The following TLE5 variants were observed in gnomAD, a reference collection of about 807,000 sequenced individuals.
TLE5 encodes the protein TLE family member 5.
TLE5 carries 7 observed loss-of-function variants against 25.8 expected under a neutral mutation model. That is an observed-to-expected ratio of 0.27 (90% CI 0.15 to 0.51). TLE5 has a LOEUF of 0.51. Ranked by LOEUF, TLE5 falls within the 20% of genes least tolerant of loss-of-function variation. The pLI is 0.97. For synonymous variants in TLE5, 132 were observed against 110.5 expected, an observed-to-expected ratio of 1.20 and a Z score of -1.22; for missense variants, 149 against 250.7, an observed-to-expected ratio of 0.59 and a Z score of 2.74.
At chr19:3,056,189 G>A in intron 4 of TLE5, 123 bp downstream of exon 4, 2 of 625,618 alleles carry the variant, frequency 3.2e-6, no homozygotes, top group East Asian at 3.2e-5. Context: ...GGATAACCGG[G>A]CTGGCTTGGT....
At chr19:3,055,519 T>C in intron 5 of TLE5, 145 bp downstream of exon 5, 1 of 611,134 alleles carries the variant, frequency 1.6e-6, no homozygotes, top group East Asian at 3.2e-5. Context: ...ACAGGCCGGC[T>C]CTGGTGTTCA....
chr19:3,058,528 T>G (rs1483173377), intron 2 of TLE5, among the ~76,000 whole-genome samples: 1 of 152,218 alleles, frequency 6.6e-6, no homozygotes, highest in Non-Finnish European at 1.5e-5. Context: ...GGGCCTGGAC[T>G]TCCCAGGCAG....
intron 3 of TLE5, 62 bp downstream of exon 3, chr19:3,057,617 G>T: frequency 6.6e-7 from 1 of 1,507,736 alleles, no homozygotes; most frequent in Non-Finnish European, 9.2e-7. Flanking sequence ...CCGTGGTGGA[G>T]GGGATGTGGA....
At chr19:3,056,429 T>C (rs1011620394) in intron 3 of TLE5, 73 bp from the exon 4 acceptor site, 1 of 333,290 alleles carries the variant, frequency 3.0e-6, no homozygotes, top group Non-Finnish European at 5.6e-6. Context: ...GACAAAGAGA[T>C]AGGGGAGTGG....
At chr19:3,056,244 CG>C in intron 4 of TLE5, 67 bp downstream of exon 4, 1 of 831,458 alleles carries the variant, frequency 1.2e-6, no homozygotes, top group Non-Finnish European at 1.5e-6. Context: ...GTGCCCAAGG[CG>C]GGGCTGGAGG....
intron 6 of TLE5, 34 bp downstream of exon 6, chr19:3,054,086 T>TCGGGGGCCCCC: frequency 4.0e-6 from 6 of 1,512,808 alleles, no homozygotes; most frequent in Non-Finnish European, 4.5e-6. Flanking sequence ...GGCCCACCTG[T>TCGGGGGCCCCC]CCCCCGCCCA....
At chr19:3,061,424 C>G (rs1005924418) in intron 1 of TLE5, 167 bp from the exon 2 acceptor site, 3 of 449,652 alleles carry the variant, frequency 6.7e-6, no homozygotes, top group Admixed American at 7.9e-5. Context: ...TCCTGCCCCC[C>G]GCCTCTCCCG....
At chr19:3,061,319 G>C (rs1286855820) in intron 1 of TLE5, 62 bp from the exon 2 acceptor site, 4 of 1,342,008 alleles carry the variant, frequency 3.0e-6, no homozygotes, top group East Asian at 4.7e-5. Context: ...TCAAGGGCCG[G>C]CTAGGAGGGA....
chr19:3,054,090 C>CATG, intron 6 of TLE5, 30 bp downstream of exon 6: 3 of 769,062 alleles, frequency 3.9e-6, no homozygotes, highest in Non-Finnish European at 6.1e-6. Flanking sequence ...CACCTGTCCC[C>CATG]CGCCCACCCG....
At position 3,053,828 on chromosome 19, in the gene TLE5, C is replaced by T. The variant is rs1180912485; in HGVS notation, c.585G>A (p.Lys195=). 10 of 1,613,240 alleles carry T rather than the reference C, an allele frequency of 6.2e-6. No individual in the cohort carries two copies. The highest frequency in any genetic ancestry group is 2.2e-5 in the East Asian group (1 of 44,882). The change falls in exon 7 of 7, where the codon AAG becomes AAA. Residue 195 remains lysine, a synonymous_variant. Transcript: ENST00000327141. ...CTGTCCCGGCCCCCTGCTAATCCGA[C>T]TTCTCGCCATCATCCTCCTGGTGGG... The part of the protein sequence containing the change: ...GDTHQEDDGE[K]SD
chr19:3,060,853 G>T lies in TLE5; in HGVS notation c.125+307C>A, dbSNP rs117195808. ...GGTTGAGGGATGGCGAGTCCGTGCCGTAACTCCAATTGTTGGAAGGTCTTT... is the reference window on the plus strand; with the variant it reads ...GGTTGAGGGATGGCGAGTCCGTGCCTTAACTCCAATTGTTGGAAGGTCTTT... On this transcript the variant is annotated intron_variant, in intron 2 of 6. Coordinates refer to ENST00000327141, the MANE Select transcript of TLE5 (RefSeq NM_001130.6). 3.8e-3 allele frequency: 741 copies of T among 193,808 alleles called. 10 individuals are homozygous for T. The highest frequency in any genetic ancestry group is 0.029 in the South Asian group (285 of 9,752). 12.0% of individuals were successfully genotyped at this position (193,808 alleles called of 1,614,324 possible).
Position 3,053,707 on chromosome 19 carries a change from G to C in TLE5, c.*112C>G, listed in dbSNP as rs2090192824. ...CGCCGGCGGCCACCATAAATACTAT[G>C]GGAGTTTAGCCAATCCCGAGCTCCG... On this transcript the variant is annotated 3_prime_UTR_variant, in exon 7 of 7. Transcript: ENST00000327141. The C allele has an allele frequency of 8.0e-7, 1 of 1,253,008 alleles. No individual in the cohort carries two copies. Among genetic ancestry groups the C allele is most frequent in the African/African-American group, 1.5e-5 (1 of 66,926 alleles). 77.6% of individuals were successfully genotyped at this position (1,253,008 alleles called of 1,614,324 possible). A position where few individuals can be genotyped will look rare whatever the true frequency, so the allele number is the denominator to read the frequency against.
chr19:3,053,840 A>C lies in TLE5; in HGVS notation c.573T>G (p.Asp191Glu), dbSNP rs753437037. The C allele has an allele frequency of 1.2e-6, 2 of 1,612,652 alleles. No individual in the cohort carries two copies. Among genetic ancestry groups the C allele is most frequent in the African/African-American group, 1.3e-5 (1 of 74,720 alleles). Residue 191 changes from aspartate (D) to glutamate (E), a missense_variant, in exon 7 of 7, where the codon GAT becomes GAG. Coordinates refer to ENST00000327141, the MANE Select transcript of TLE5 (RefSeq NM_001130.6). ...CCTGCTAATCCGACTTCTCGCCATC[A>C]TCCTCCTGGTGGGTGTCACCATCGT... is the stretch of plus-strand genomic sequence containing the variant. ...NGHDGDTHQE[D>E]DGEKSD
intron 4 of TLE5, 66 bp from the exon 5 acceptor site, chr19:3,055,792 G>T: frequency 6.6e-7 from 1 of 1,504,880 alleles, no homozygotes; most frequent in Non-Finnish European, 9.0e-7. Context: ...AGCCACAGGA[G>T]GCCTGCGCGG....
rs548458062 is a variant in TLE5, at chr19:3,058,831, C to T, written c.126-1089G>A. Reference sequence around the variant, plus strand: ...AATCCAACCCAGCACAGGGGCCCTGCGGACCTGGCTGTGGCTTACCTGCTT... The same window carrying T: ...AATCCAACCCAGCACAGGGGCCCTGTGGACCTGGCTGTGGCTTACCTGCTT... On this transcript the variant is annotated intron_variant, in intron 2 of 6. Transcript: ENST00000327141. 3.4e-4 allele frequency among the ~76,000 whole-genome samples: 52 copies of T among 152,260 alleles called. 1 individual carries two copies. In the East Asian group the frequency reaches 5.6e-3, roughly 16 times the overall value.
Position 3,055,664 on chromosome 19 carries a change from C to T in TLE5, c.297G>A (p.Glu99=), listed in dbSNP as rs1054698143. The T allele has an allele frequency of 2.0e-5, 32 of 1,600,074 alleles. No individual in the cohort carries two copies. The highest frequency in any genetic ancestry group is 2.6e-5 in the Non-Finnish European group (31 of 1,173,738). ...CCCTCCCCAAGGCCCTGGCTCTTACCTCTTGGGAGAGGTAGGGCAGGACCT... is the reference window on the plus strand; with the variant it reads ...CCCTCCCCAAGGCCCTGGCTCTTACTTCTTGGGAGAGGTAGGGCAGGACCT... ...CAQVLPYLSQ[E]HQQQVLGAIE... The change falls in exon 5 of 7, where the codon GAG becomes GAA. Residue 99 remains glutamate (E), a splice_region_variant and synonymous_variant. Transcript: ENST00000327141.
intron 2 of TLE5, among the ~76,000 whole-genome samples, chr19:3,059,281 G>A (rs1480640487): frequency 6.6e-6 from 1 of 152,212 alleles, no homozygotes; most frequent in African/African-American, 2.4e-5. Flanking sequence ...CAGCATTTTG[G>A]GAGGCCAAGG....
intron 2 of TLE5, among the ~76,000 whole-genome samples, chr19:3,059,011 C>T (rs2090242968): frequency 6.6e-6 from 1 of 152,078 alleles, no homozygotes; most frequent in Non-Finnish European, 1.5e-5. Flanking sequence ...GGAGAAGAGT[C>T]AATGAATTCA....
At chr19:3,062,702 G>C (rs1271467183), upstream of TLE5, 2 of 1,503,996 alleles carry the variant, frequency 1.3e-6, no homozygotes, top group East Asian at 2.6e-5. Context: ...TCTCCTACCC[G>C]GCAGCCGGCC....
Sources: gnomAD v4.1 joint callset for allele counts (sites outside exome capture counted in the v4.1 genomes callset) on GRCh38, gnomAD v4.1.1 for gene constraint, MANE v1.5 for transcripts, NCBI Gene and HGNC (gene_info 2026-07-23, HGNC 2026-07-21) for gene names.